SCRG1: variants seen among roughly 807,000 people sequenced by gnomAD.
SCRG1 encodes stimulator of chondrogenesis 1.
In SCRG1, 3 loss-of-function variants were observed where a neutral mutation model predicts 7.7. The ratio of observed to expected loss-of-function variants is 0.39; its 90% confidence interval spans 0.18 to 1.01. The LOEUF (loss-of-function observed/expected upper bound fraction) is 1.01. SCRG1 is among the 50% of genes least tolerant of loss of function. The pLI, the probability that SCRG1 is intolerant of heterozygous loss-of-function variation, is 0.36. For missense variants in SCRG1, 110 were observed against 117.2 expected (o/e 0.94, Z 0.28); for synonymous variants, 46 against 41.2 (o/e 1.12, Z -0.44).
chr4:173,455,041 C>A, the SCRG1 span, among the ~76,000 whole-genome samples: 1 of 152,078 alleles, frequency 6.6e-6, no homozygotes, highest in African/African-American at 2.4e-5. Flanking sequence ...GCAAGTCTCA[C>A]ACCTGCCTCT....
the SCRG1 span, among the ~76,000 whole-genome samples, chr4:173,428,205 G>C: frequency 1.3e-5 from 2 of 152,302 alleles, no homozygotes; most frequent in South Asian, 4.1e-4. Context: ...GTCAAAGGGA[G>C]ACAGAAAGGG....
the SCRG1 span, among the ~76,000 whole-genome samples, chr4:173,457,649 T>C: frequency 6.6e-6 from 1 of 152,326 alleles, no homozygotes; most frequent in East Asian, 1.9e-4. Context: ...AGAAATTCTT[T>C]TGTTACGCTA....
chr4:173,396,478 A>C (rs1232784388), intron 1 of SCRG1, among the ~76,000 whole-genome samples: 1 of 152,226 alleles, frequency 6.6e-6, no homozygotes, highest in African/African-American at 2.4e-5. Context: ...TGTAACTTCT[A>C]CTTCTTTTGT....
At chr4:173,519,031 C>A in the SCRG1 span, among the ~76,000 whole-genome samples, 2 of 151,782 alleles carry the variant, frequency 1.3e-5, no homozygotes, top group African/African-American at 4.8e-5. Flanking sequence ...GCGCTGTGAG[C>A]TAGGCGAACA....
chr4:173,415,819 A>T, the SCRG1 span, among the ~76,000 whole-genome samples: 1 of 152,246 alleles, frequency 6.6e-6, no homozygotes, highest in African/African-American at 2.4e-5. Flanking sequence ...AACCAGGCCT[A>T]TCTGCCTCCA....
At chr4:173,500,413 A>G in the SCRG1 span, among the ~76,000 whole-genome samples, 3 of 152,126 alleles carry the variant, frequency 2.0e-5, no homozygotes, top group Non-Finnish European at 4.4e-5. Flanking sequence ...CGGGCGAAGG[A>G]GATGCCCATT....
the SCRG1 span, among the ~76,000 whole-genome samples, chr4:173,495,662 A>C: frequency 2.0e-5 from 3 of 152,246 alleles, no homozygotes; most frequent in African/African-American, 7.2e-5. Context: ...CAGATGAGGA[A>C]ACTGAAGCAT....
the SCRG1 span, among the ~76,000 whole-genome samples, chr4:173,462,421 GA>G: frequency 6.6e-6 from 1 of 152,058 alleles, no homozygotes; most frequent in Admixed American, 6.5e-5. Context: ...AAGTGCTGAA[GA>G]AAAAAACCCT....
chr4:173,428,328 C>T, the SCRG1 span, among the ~76,000 whole-genome samples: 383 of 152,242 alleles, frequency 2.5e-3, no homozygotes, highest in African/African-American at 6.3e-3. Context: ...AACAGCATTG[C>T]TGGGGAAACG....
the SCRG1 span, among the ~76,000 whole-genome samples, chr4:173,455,400 T>C: frequency 2.0e-5 from 3 of 152,186 alleles, no homozygotes; most frequent in Non-Finnish European, 4.4e-5. Context: ...TGTTTTTTGA[T>C]GTCAAGAACC....
the SCRG1 span, among the ~76,000 whole-genome samples, chr4:173,441,258 A>G: frequency 0.29 from 44,395 of 152,074 alleles, 6,911 homozygotes; most frequent in South Asian, 0.46. Flanking sequence ...TACACACAAA[A>G]TTTTATTGTG....
the SCRG1 span, among the ~76,000 whole-genome samples, chr4:173,437,818 A>G: frequency 6.6e-6 from 1 of 152,240 alleles, no homozygotes; most frequent in South Asian, 2.1e-4. Flanking sequence ...AAGACAGTAT[A>G]GAAACACGGA....
At chr4:173,470,404 A>T in the SCRG1 span, among the ~76,000 whole-genome samples, 1 of 152,176 alleles carries the variant, frequency 6.6e-6, no homozygotes, top group Non-Finnish European at 1.5e-5. Flanking sequence ...ACCGGCTCAC[A>T]GGTAACTGAG....
the SCRG1 span, among the ~76,000 whole-genome samples, chr4:173,438,676 C>A: frequency 0.56 from 85,020 of 151,606 alleles, 25,021 homozygotes; most frequent in Non-Finnish European, 0.67. Flanking sequence ...TAAATATTTG[C>A]AGGCCCTGTT....
the SCRG1 span, among the ~76,000 whole-genome samples, chr4:173,441,554 G>A: frequency 3.3e-5 from 5 of 152,258 alleles, no homozygotes; most frequent in Admixed American, 3.3e-4. Context: ...CTCATAAAAA[G>A]TATAAAGGAT....
upstream of SCRG1, among the ~76,000 whole-genome samples, chr4:173,401,529 A>G (rs1739762287): frequency 6.6e-6 from 1 of 152,114 alleles, no homozygotes; most frequent in Admixed American, 6.5e-5. Flanking sequence ...TTCTGTCTAA[A>G]TTTCCCTTAT....
chr4:173,471,440 G>A, the SCRG1 span, among the ~76,000 whole-genome samples: 30 of 152,218 alleles, frequency 2.0e-4, no homozygotes, highest in Non-Finnish European at 4.0e-4. Flanking sequence ...CCATCCTGGA[G>A]GCAGCTCATA....
chr4:173,501,905 C>T, the SCRG1 span, among the ~76,000 whole-genome samples: 2 of 152,166 alleles, frequency 1.3e-5, no homozygotes, highest in African/African-American at 4.8e-5. The surrounding 1 kb of genome is among the most constrained non-coding windows in gnomAD (Gnocchi z 5.1). Flanking sequence ...TCCCTTCTAC[C>T]AACCAGGATC....
chr4:173,486,921 G>A, the SCRG1 span, among the ~76,000 whole-genome samples: 3 of 152,174 alleles, frequency 2.0e-5, no homozygotes, highest in African/African-American at 7.2e-5. Context: ...TTGTTGGCCA[G>A]AATTAGAAGC....
Sources: allele counts gnomAD v4.1 joint callset (sites outside exome capture counted in the v4.1 genomes callset), GRCh38; gene constraint gnomAD v4.1.1; non-coding constraint Gnocchi (gnomAD v3.1); transcripts MANE v1.5; gene names NCBI Gene and HGNC (gene_info 2026-07-23, HGNC 2026-07-21).